CERS6: variants seen among roughly 807,000 people sequenced by gnomAD.
The protein encoded by CERS6 is ceramide synthase 6.
A neutral mutation model predicts 56.8 loss-of-function variants in CERS6; 26 were observed. The ratio of observed to expected loss-of-function variants is 0.46; its 90% CI spans 0.34 to 0.63. CERS6 has a LOEUF of 0.63. Among genes scored for constraint, CERS6 ranks in the 30% least tolerant of loss-of-function variants. CERS6 has a pLI of 0.01. For missense variants in CERS6, 415 were observed against 467.5 expected, an observed-to-expected ratio of 0.89 and a Z score of 1.04; for synonymous variants, 164 against 173.3, an observed-to-expected ratio of 0.95 and a Z score of 0.42.
At chr2:168,740,600 A>G (rs1683868426) in intron 8 of CERS6, among the ~76,000 whole-genome samples, 2 of 152,202 alleles carry the variant, frequency 1.3e-5, no homozygotes, top group African/African-American at 4.8e-5. Context: ...CTGATGAATG[A>G]CTTTGGAGCT....
intron 4 of CERS6, among the ~76,000 whole-genome samples, chr2:168,689,772 T>C (rs1686451549): frequency 6.6e-6 from 1 of 152,124 alleles, no homozygotes; most frequent in African/African-American, 2.4e-5. Context: ...GAATAGTGCT[T>C]GAATGAAAGG....
chr2:168,666,420 T>G (rs1685763919), intron 4 of CERS6, among the ~76,000 whole-genome samples: 1 of 152,214 alleles, frequency 6.6e-6, no homozygotes, highest in African/African-American at 2.4e-5. Flanking sequence ...ATATGTAGAC[T>G]TTTCAGATTG....
At chr2:168,649,122 C>G (rs572627417) in intron 4 of CERS6, among the ~76,000 whole-genome samples, 1 of 152,014 alleles carries the variant, frequency 6.6e-6, no homozygotes, top group Non-Finnish European at 1.5e-5. Flanking sequence ...AAGGATGGGT[C>G]GTTAGCTGCA....
chr2:168,664,605 G>A (rs1047463559), intron 4 of CERS6, among the ~76,000 whole-genome samples: 4 of 152,246 alleles, frequency 2.6e-5, no homozygotes, highest in Non-Finnish European at 5.9e-5. Context: ...TGGATTATTC[G>A]TGGTTCCCTT....
At chr2:168,648,846 C>T (rs866762820) in intron 4 of CERS6, among the ~76,000 whole-genome samples, 1 of 151,904 alleles carries the variant, frequency 6.6e-6, no homozygotes, top group East Asian at 1.9e-4. Flanking sequence ...CACTGTGGTC[C>T]GAGCTTATGT....
At chr2:168,537,490 A>C (rs1048948272) in intron 1 of CERS6, among the ~76,000 whole-genome samples, 5 of 152,106 alleles carry the variant, frequency 3.3e-5, no homozygotes, top group Admixed American at 3.3e-4. Context: ...TGTTTTTCAG[A>C]TTTTATTCTA....
intron 3 of CERS6, among the ~76,000 whole-genome samples, chr2:168,610,674 A>G (rs1684167250): frequency 6.6e-6 from 1 of 152,202 alleles, no homozygotes. Context: ...TTAGAGTGTA[A>G]GAAGAGTAGA....
chr2:168,471,554 A>T (rs1212258810), intron 1 of CERS6, among the ~76,000 whole-genome samples: 1 of 152,210 alleles, frequency 6.6e-6, no homozygotes, highest in Non-Finnish European at 1.5e-5. Flanking sequence ...CACAATTTAA[A>T]ACAACTGTTT....
chr2:168,615,556 C>T (rs566005249), intron 3 of CERS6, among the ~76,000 whole-genome samples: 4 of 151,596 alleles, frequency 2.6e-5, no homozygotes, highest in Non-Finnish European at 5.9e-5. Flanking sequence ...ACTGGATGCA[C>T]GAAAGAAATG....
chr2:168,688,796 A>G (rs1290896909), intron 4 of CERS6, among the ~76,000 whole-genome samples: 1 of 152,146 alleles, frequency 6.6e-6, no homozygotes, highest in East Asian at 1.9e-4. Flanking sequence ...CCTCCGGTGC[A>G]CAGGAGCCCA....
At chr2:168,471,137 C>G (rs1256793750) in intron 1 of CERS6, among the ~76,000 whole-genome samples, 1 of 152,176 alleles carries the variant, frequency 6.6e-6, no homozygotes, top group Non-Finnish European at 1.5e-5. Flanking sequence ...TATTTGACTG[C>G]TGAATCCTAT....
intron 4 of CERS6, among the ~76,000 whole-genome samples, chr2:168,633,274 T>C (rs1684790908): frequency 6.6e-6 from 1 of 152,028 alleles, no homozygotes; most frequent in South Asian, 2.1e-4. Flanking sequence ...CAAGCAGCAC[T>C]CAATTTTTGA....
chr2:168,536,999 C>G (rs1695276302), intron 1 of CERS6, among the ~76,000 whole-genome samples: 1 of 152,106 alleles, frequency 6.6e-6, no homozygotes, highest in East Asian at 1.9e-4. Context: ...TTGTAAATGC[C>G]TTTGCTTTGT....
At chr2:168,642,068 A>G (rs771108097) in intron 4 of CERS6, among the ~76,000 whole-genome samples, 4 of 151,918 alleles carry the variant, frequency 2.6e-5, no homozygotes, top group Non-Finnish European at 5.9e-5. Context: ...ATGTGGAATT[A>G]GCAGTAAAAA....
intron 3 of CERS6, among the ~76,000 whole-genome samples, chr2:168,598,817 A>AT (rs1559014535): frequency 6.6e-6 from 1 of 152,176 alleles, no homozygotes; most frequent in Non-Finnish European, 1.5e-5. Context: ...TAATATGAAC[A>AT]TTTTCTTTTT....
At position 168,681,542 on chromosome 2, in the gene CERS6, AC is replaced by A. The variant is rs557930902; in HGVS notation, c.466-9491del. ...ATGCAATTTTACATATTTTTGGGGT[AC>A]GGTGTGATAGTTCAGTACATGTATA... On this transcript the variant is annotated intron_variant, in intron 4 of 9. Transcript: ENST00000305747. Among the ~76,000 whole-genome samples the A allele has an allele frequency of 3.5e-3, 527 of 152,266 alleles. 3 individuals carry two copies. Among genetic ancestry groups the A allele is most frequent in the African/African-American group, 0.012 (506 of 41,536 alleles).
chr2:168,540,868 T>C (rs1294440392), intron 1 of CERS6, among the ~76,000 whole-genome samples: 1 of 152,248 alleles, frequency 6.6e-6, no homozygotes, highest in Admixed American at 6.5e-5. Context: ...TACTTCTCTG[T>C]AGGGTTCTTG....
At chr2:168,746,803 A>T (rs1018859094) in intron 8 of CERS6, among the ~76,000 whole-genome samples, 1 of 111,352 alleles carries the variant, frequency 9.0e-6, no homozygotes, top group South Asian at 2.9e-4. Flanking sequence ...ATATATATAT[A>T]TATATATATA....
chr2:168,657,688 A>C (rs977890920), intron 4 of CERS6, among the ~76,000 whole-genome samples: 15 of 152,242 alleles, frequency 9.9e-5, no homozygotes, highest in Admixed American at 1.3e-4. Flanking sequence ...CCGGGTGCTA[A>C]GTCCCCCATT....
Sources: gnomAD v4.1 joint callset for allele counts (sites outside exome capture counted in the v4.1 genomes callset) on GRCh38, gnomAD v4.1.1 for gene constraint, MANE v1.5 for transcripts, NCBI Gene and HGNC (gene_info 2026-07-23, HGNC 2026-07-21) for gene names.